CD79B: variants seen among roughly 807,000 people sequenced by gnomAD.
CD79B encodes the protein B-cell antigen receptor complex-associated protein beta chain.
CD79B carries 7 observed loss-of-function variants against 30.0 expected under a neutral mutation model. The observed-to-expected ratio is 0.23, with a 90% CI of 0.13 to 0.44. The LOEUF (loss-of-function observed/expected upper bound fraction) is 0.44. Among genes scored for constraint, CD79B ranks in the 20% least tolerant of loss-of-function variants. The pLI is 1.00. For synonymous variants in CD79B, 118 were observed against 119.2 expected, an observed-to-expected ratio of 0.99 and a Z score of 0.07; for missense variants, 218 against 299.1, an observed-to-expected ratio of 0.73 and a Z score of 2.00.
Position 63,932,016 on chromosome 17 carries a change from A to T in CD79B, c.67+179T>A, listed in dbSNP as rs557049295. On this transcript the variant is annotated intron_variant, in intron 1 of 5. Transcript: ENST00000006750. ...GAGGAACTGGGGCCACAGGCTCCTG[A>T]GCCCATCACCACGTGCAGCTGACAC... 8.4e-4 allele frequency: 587 copies of T among 698,308 alleles called. 6 individuals are homozygous for T. In the African/African-American group the frequency reaches 9.5e-3, roughly 11 times the overall value. 43.3% of individuals were successfully genotyped at this position (698,308 alleles called of 1,614,324 possible). A position where few individuals can be genotyped will look rare whatever the true frequency, so the allele number is the denominator to read the frequency against.
In CD79B at chr17:63,931,392, G is replaced by C; in HGVS notation, c.68-7C>G. On this transcript the variant is annotated splice_polypyrimidine_tract_variant and splice_region_variant and intron_variant, in intron 1 of 5. Transcript: ENST00000006750. The stretch of plus-strand genomic sequence containing the variant: ...GCTGCTGGTACTGGCTCAGCTGCTG[G>C]GTGGGAGGAAGTGGGCGGGGCCAGT... 1 of 1,614,022 alleles carries C rather than the reference G, an allele frequency of 6.2e-7. No individual in the cohort carries two copies. The highest frequency in any genetic ancestry group is 1.3e-5 in the African/African-American group (1 of 75,066).
At position 63,930,287 on chromosome 17, in the gene CD79B, T is replaced by C. The variant is rs548645671; in HGVS notation, c.217A>G (p.Asn73Asp). 1.2e-6 allele frequency: 2 copies of C among 1,614,194 alleles called. No homozygotes were observed. The highest frequency in any genetic ancestry group is 1.1e-5 in the South Asian group (1 of 91,088). Residue 73 changes from asparagine to aspartate, a missense_variant, in exon 3 of 6, where the codon AAT becomes GAT. Transcript: ENST00000006750. Reference protein sequence around the residue: ...MHCYMNSASGNVSWLWKQEMD... With the variant: ...MHCYMNSASGDVSWLWKQEMD... ...TCCTGCTTCCAGAGCCAGCTCACAT[T>C]GCCGGAGGCGCTGTTCATGTAGCAG... is the stretch of plus-strand genomic sequence containing the variant.
chr17:63,931,122 G>T, intron 2 of CD79B: 1 of 623,678 alleles, frequency 1.6e-6, no homozygotes. Context: ...CCCTTCAGTG[G>T]CCAAGGCTGG....
At chr17:63,932,099 A>G (rs1404567109) in intron 1 of CD79B, 96 bp downstream of exon 1, 4 of 1,085,718 alleles carry the variant, frequency 3.7e-6, no homozygotes, top group Admixed American at 1.8e-5. Flanking sequence ...AGTGAGAGAC[A>G]GAGGAGGAGG....
chr17:63,929,484 G>C lies in CD79B; in HGVS notation c.550-9C>G. ...CCAGCCTTGCTGTCATCCTGGGGGCGGAGAGGGATGGAGATCAGAGTGTTA... is the reference window on the plus strand; with the variant it reads ...CCAGCCTTGCTGTCATCCTGGGGGCCGAGAGGGATGGAGATCAGAGTGTTA... On this transcript the variant is annotated splice_polypyrimidine_tract_variant and intron_variant, in intron 4 of 5. Coordinates refer to ENST00000006750, the MANE Select transcript of CD79B (RefSeq NM_000626.4). 1.2e-6 allele frequency: 2 copies of C among 1,613,678 alleles called. No individual in the cohort carries two copies. Among genetic ancestry groups the C allele is most frequent in the Non-Finnish European group, 1.7e-6 (2 of 1,179,950 alleles).
Position 63,932,185 on chromosome 17 carries a change from G to T in CD79B, c.67+10C>A, listed in dbSNP as rs112931479. 2.0e-4 allele frequency: 320 copies of T among 1,612,522 alleles called. No homozygotes were observed. The African/African-American group carries it at 3.2e-3, about 16-fold the overall frequency. On this transcript the variant is annotated intron_variant, in intron 1 of 5. Transcript: ENST00000006750. ...AGCAAACCCCACAGGCCTCGTCGTGGGTTCTGTACCTGAGAGCAGCAGCAG... is the reference window on the plus strand; with the variant it reads ...AGCAAACCCCACAGGCCTCGTCGTGTGTTCTGTACCTGAGAGCAGCAGCAG...
intron 2 of CD79B, 107 bp downstream of exon 2, chr17:63,931,228 C>T (rs1376489191): frequency 1.2e-5 from 13 of 1,096,584 alleles, no homozygotes; most frequent in Non-Finnish European, 1.8e-5. Context: ...ATGGGGAGAT[C>T]AGGCAAGGGT....
chr17:63,930,451 A>G, intron 2 of CD79B, 66 bp from the exon 3 acceptor site: 1 of 1,445,340 alleles, frequency 6.9e-7, no homozygotes, highest in Non-Finnish European at 9.6e-7. Context: ...CCCCAGCAGC[A>G]GGCCCCTGCC....
At position 63,929,167 on chromosome 17, in the gene CD79B, C is replaced by A; in HGVS notation, c.*59G>T. 8.6e-7 allele frequency: 1 copy of A among 1,169,248 alleles called. No homozygotes were observed. 72.4% of individuals were successfully genotyped at this position (1,169,248 alleles called of 1,614,324 possible). On this transcript the variant is annotated 3_prime_UTR_variant, in exon 6 of 6. Transcript: ENST00000006750. ...AGGGGTTGGGCCATGAGCCAGGCAG[C>A]TCCGAAGCAGTCACTGAGGCCAGGG...
chr17:63,931,849 G>C (rs893496073), intron 1 of CD79B: 1 of 446,486 alleles, frequency 2.2e-6, no homozygotes, highest in Admixed American at 3.4e-5. Context: ...TCCAGGGTCC[G>C]GTTGGGACAG....
At chr17:63,929,502 G>T in intron 4 of CD79B, 27 bp from the exon 5 acceptor site, 1 of 1,613,202 alleles carries the variant, frequency 6.2e-7, no homozygotes, top group South Asian at 1.1e-5. Flanking sequence ...ATGGAGATCA[G>T]AGTGTTAGTG....
intron 2 of CD79B, 67 bp from the exon 3 acceptor site, chr17:63,930,452 G>A: frequency 1.4e-6 from 2 of 1,446,646 alleles, no homozygotes; most frequent in East Asian, 2.3e-5. Flanking sequence ...CCCAGCAGCA[G>A]GCCCCTGCCC....
At chr17:63,931,941 C>T (rs999973829) in intron 1 of CD79B, 3 of 570,818 alleles carry the variant, frequency 5.3e-6, no homozygotes, top group African/African-American at 3.7e-5. Flanking sequence ...TGGTTGCTAA[C>T]TCTGGTTTGC....
At chr17:63,929,354 G>T in intron 5 of CD79B, 30 bp from the exon 6 acceptor site, 1 of 1,610,250 alleles carries the variant, frequency 6.2e-7, no homozygotes, top group Non-Finnish European at 8.5e-7. Flanking sequence ...CTCAGGCCGG[G>T]ACCACACCCC....
chr17:63,932,159 G>A (rs1262181729), intron 1 of CD79B, 36 bp downstream of exon 1: 4 of 1,595,200 alleles, frequency 2.5e-6, no homozygotes, highest in Admixed American at 3.3e-5. Context: ...CTGGAGATGA[G>A]AGCAAACCCC....
Position 63,929,814 on chromosome 17 carries a change from T to A in CD79B, c.505A>T (p.Ile169Phe). ...ATAGGCACGATGATGAAGAGGATGA[T>A]CAGCAGCGTCTGGATCATGATGATA... is the stretch of plus-strand genomic sequence containing the variant. Reference protein sequence around the residue: ...DGIIMIQTLLIILFIIVPIFL... With the variant: ...DGIIMIQTLLFILFIIVPIFL... The change falls in exon 4 of 6, where the codon ATC (isoleucine) becomes TTC (phenylalanine). Residue 169 changes from isoleucine (I) to phenylalanine (F), a missense_variant. Coordinates refer to ENST00000006750, the MANE Select transcript of CD79B (RefSeq NM_000626.4). The A allele has an allele frequency of 6.2e-7, 1 of 1,613,318 alleles. No homozygotes were observed. The highest frequency in any genetic ancestry group is 8.5e-7 in the Non-Finnish European group (1 of 1,179,868).
Position 63,930,301 on chromosome 17 carries a change from T to A in CD79B, c.203A>T (p.Asn68Ile). 6.2e-7 allele frequency: 1 copy of A among 1,614,218 alleles called. No homozygotes were observed. The highest frequency in any genetic ancestry group is 8.5e-7 in the Non-Finnish European group (1 of 1,180,016). The change falls in exon 3 of 6, where the codon AAC becomes ATC. Residue 68 changes from asparagine (N) to isoleucine (I), a missense_variant. Physicochemically the swap from Asn to Ile is moderately radical, Grantham distance 149 (BLOSUM62 -3). Coordinates refer to ENST00000006750, the MANE Select transcript of CD79B (RefSeq NM_000626.4). ...CCAGCTCACATTGCCGGAGGCGCTGTTCATGTAGCAGTGCATTTTCACCGT... is the reference window on the plus strand; with the variant it reads ...CCAGCTCACATTGCCGGAGGCGCTGATCATGTAGCAGTGCATTTTCACCGT... Reference protein sequence around the residue: ...GFTVKMHCYMNSASGNVSWLW... With the variant: ...GFTVKMHCYMISASGNVSWLW...
intron 2 of CD79B, 167 bp from the exon 3 acceptor site, chr17:63,930,552 C>T (rs1329041825): frequency 1.0e-5 from 7 of 666,898 alleles, no homozygotes; most frequent in South Asian, 5.2e-5. Context: ...AGCAGAGCCA[C>T]GTGAGAGGCT....
chr17:63,929,410 T>A (rs1907975367), intron 5 of CD79B, 24 bp downstream of exon 5: 1 of 1,613,708 alleles, frequency 6.2e-7, no homozygotes. Flanking sequence ...GACTCAGAGC[T>A]GCTGGGCCTG....
Sources: gnomAD v4.1 joint callset for allele counts on GRCh38, gnomAD v4.1.1 for gene constraint, MANE v1.5 for transcripts, NCBI Gene and HGNC (gene_info 2026-07-23, HGNC 2026-07-21) for gene names.